Variants in WWOX observed in about 807,000 individuals in gnomAD.
WWOX encodes WW domain-containing oxidoreductase.
Under a neutral mutation model 46.2 loss-of-function variants are expected in WWOX, and 69 were observed. The ratio of observed to expected loss-of-function variants is 1.49; its 90% confidence interval spans 1.23 to 1.82. The LOEUF (loss-of-function observed/expected upper bound fraction) is 1.82, where lower values mean the gene tolerates loss of function less well. WWOX is among the 40% of genes most tolerant of loss of function. WWOX has a pLI of 0.00. For synonymous variants in WWOX, 359 were observed against 202.6 expected (o/e 1.77, Z -6.56); for missense variants, 919 against 542.6 (o/e 1.69, Z -6.89).
At chr16:78,341,983 G>A (rs2081023579) in intron 5 of WWOX, among the ~76,000 whole-genome samples, 1 of 120,196 alleles carries the variant, frequency 8.3e-6, no homozygotes, top group African/African-American at 2.8e-5. Flanking sequence ...GGGCATGGTG[G>A]TGCTCACCTA....
chr16:78,604,052 T>C (rs2045686654), intron 8 of WWOX, among the ~76,000 whole-genome samples: 1 of 152,040 alleles, frequency 6.6e-6, no homozygotes, highest in Non-Finnish European at 1.5e-5. Flanking sequence ...GCTGAGGCGG[T>C]AGGATCGCTT....
intron 8 of WWOX, among the ~76,000 whole-genome samples, chr16:79,075,563 C>A (rs1201356176): frequency 1.6e-5 from 2 of 122,628 alleles, no homozygotes; most frequent in Non-Finnish European, 3.5e-5. Context: ...TTTTTTTTTT[C>A]TTTTGTTTAG....
intron 8 of WWOX, among the ~76,000 whole-genome samples, chr16:78,841,751 C>G (rs976035395): frequency 2.0e-5 from 3 of 152,020 alleles, no homozygotes; most frequent in South Asian, 2.1e-4. Flanking sequence ...AAAATGTGTA[C>G]TATTTTATTG....
intron 8 of WWOX, among the ~76,000 whole-genome samples, chr16:78,832,164 G>C (rs530583174): frequency 8.5e-5 from 13 of 152,318 alleles, no homozygotes; most frequent in African/African-American, 3.1e-4. Context: ...TGGGGCTGCA[G>C]TCTCAGAATC....
At chr16:78,482,409 C>T (rs2084517493) in intron 8 of WWOX, among the ~76,000 whole-genome samples, 1 of 152,074 alleles carries the variant, frequency 6.6e-6, no homozygotes, top group African/African-American at 2.4e-5. Flanking sequence ...TTTAGTTAGA[C>T]ACCAGGTTTC....
intron 8 of WWOX, among the ~76,000 whole-genome samples, chr16:78,815,610 G>T (rs1267976862): frequency 3.9e-5 from 6 of 152,232 alleles, no homozygotes; most frequent in African/African-American, 2.4e-5. Context: ...TATGGGGGCA[G>T]AGGGAGTCTC....
At chr16:78,975,765 A>G (rs561638007) in intron 8 of WWOX, among the ~76,000 whole-genome samples, 3 of 152,298 alleles carry the variant, frequency 2.0e-5, no homozygotes, top group African/African-American at 7.2e-5. Flanking sequence ...AGCGGAGGTC[A>G]TGATGGAATT....
chr16:78,449,741 A>G (rs1421204622), intron 8 of WWOX, among the ~76,000 whole-genome samples: 3 of 152,252 alleles, frequency 2.0e-5, no homozygotes, highest in Non-Finnish European at 4.4e-5. Context: ...AAGAATAAAC[A>G]AACTGGTAGA....
intron 8 of WWOX, among the ~76,000 whole-genome samples, chr16:78,623,337 C>T (rs765422918): frequency 6.6e-6 from 1 of 152,158 alleles, no homozygotes; most frequent in Non-Finnish European, 1.5e-5. Context: ...TTCTAAGTTA[C>T]TCACCAGGTT....
At chr16:78,699,887 TG>T (rs2048176306) in intron 8 of WWOX, among the ~76,000 whole-genome samples, 1 of 152,288 alleles carries the variant, frequency 6.6e-6, no homozygotes, top group East Asian at 1.9e-4. Flanking sequence ...TGGTTTTTCA[TG>T]GAGACTGGCA....
chr16:78,198,419 G>A (rs1484287681), intron 5 of WWOX, among the ~76,000 whole-genome samples: 1 of 152,174 alleles, frequency 6.6e-6, no homozygotes, highest in Non-Finnish European at 1.5e-5. Context: ...ACCATAGCAA[G>A]CAATGGCCTC....
chr16:79,210,105 A>G (rs992166596), intron 8 of WWOX, among the ~76,000 whole-genome samples: 3 of 152,334 alleles, frequency 2.0e-5, no homozygotes, highest in East Asian at 3.9e-4. Context: ...AGTTATTATC[A>G]AAACCCAAGT....
intron 8 of WWOX, among the ~76,000 whole-genome samples, chr16:78,587,589 G>A (rs534401770): frequency 6.6e-6 from 1 of 152,248 alleles, no homozygotes; most frequent in South Asian, 2.1e-4. Context: ...AAACAGAGAT[G>A]TTGATGAGAA....
intron 8 of WWOX, among the ~76,000 whole-genome samples, chr16:78,516,654 C>G (rs997900056): frequency 1.3e-5 from 2 of 152,172 alleles, no homozygotes; most frequent in African/African-American, 2.4e-5. Context: ...TTCCTCTGTA[C>G]CCTTCACACG....
chr16:78,367,171 G>C (rs923224542), intron 5 of WWOX, among the ~76,000 whole-genome samples: 3 of 151,848 alleles, frequency 2.0e-5, no homozygotes, highest in Admixed American at 6.6e-5. Flanking sequence ...AGTAGAGACA[G>C]GGTTTCACCA....
chr16:78,403,546 T>C lies in WWOX; in HGVS notation c.605+16598T>C, dbSNP rs536247425. ...CAGGAAGGCTCTTTGTTTATTGCCT[T>C]TATTTTCCCCACTTACCAAGTGGGT... On this transcript the variant is annotated intron_variant, in intron 6 of 8. Transcript: ENST00000566780. Among the ~76,000 whole-genome samples, 37 of 152,320 alleles carry C rather than the reference T, an allele frequency of 2.4e-4. No individual in the cohort carries two copies. The East Asian group carries it at 7.1e-3, about 29-fold the overall frequency.
At chr16:78,694,414 C>T (rs1432770412) in intron 8 of WWOX, among the ~76,000 whole-genome samples, 5 of 152,118 alleles carry the variant, frequency 3.3e-5, no homozygotes, top group Non-Finnish European at 5.9e-5. Context: ...GAAACAATGC[C>T]CTTCCCATTG....
In WWOX at chr16:79,211,760, G is replaced by A. The variant is rs764726398; in HGVS notation, c.1209G>A (p.Arg403=). ...TARTLWALSE[R]LIQERLGSQS... ...GGACCCTGTGGGCGCTCAGCGAGAGGCTGATCCAAGAACGGCTTGGCAGCC... is the reference window on the plus strand; with the variant it reads ...GGACCCTGTGGGCGCTCAGCGAGAGACTGATCCAAGAACGGCTTGGCAGCC... Residue 403 remains arginine (R), a synonymous_variant, in exon 9 of 9, where the codon AGG becomes AGA. Transcript: ENST00000566780. The A allele has an allele frequency of 1.2e-6, 2 of 1,614,156 alleles. No homozygotes were observed. The highest frequency in any genetic ancestry group is 1.7e-6 in the Non-Finnish European group (2 of 1,179,998).
chr16:78,406,813 G>A (rs183212263), intron 6 of WWOX, among the ~76,000 whole-genome samples: 111 of 152,078 alleles, frequency 7.3e-4, no homozygotes, highest in Non-Finnish European at 1.6e-4. Flanking sequence ...TTTTAGTAGA[G>A]ATGGGTTTCA....
Sources: gnomAD v4.1 joint callset for allele counts (sites outside exome capture counted in the v4.1 genomes callset) on GRCh38, gnomAD v4.1.1 for gene constraint, MANE v1.5 for transcripts, NCBI Gene and HGNC (gene_info 2026-07-23, HGNC 2026-07-21) for gene names.